Variants in METTL25 observed in about 807,000 individuals in gnomAD.
The protein encoded by METTL25 is methyltransferase like 25, also known as probable methyltransferase-like protein 25.
In METTL25, 64 loss-of-function variants were observed where a neutral mutation model predicts 71.6. The ratio of observed to expected loss-of-function variants is 0.89; its 90% CI spans 0.73 to 1.10. The LOEUF (loss-of-function observed/expected upper bound fraction) is 1.10. Among genes scored for constraint, METTL25 ranks in the 50% least tolerant of loss-of-function variants. METTL25 has a pLI of 0.00. For synonymous variants in METTL25, 287 were observed against 250.3 expected (o/e 1.15, Z -1.38); for missense variants, 807 against 707.0 (o/e 1.14, Z -1.60).
chr12:82,472,462 G>C (rs1432967198), intron 9 of METTL25, among the ~76,000 whole-genome samples: 4 of 152,132 alleles, frequency 2.6e-5, no homozygotes, highest in Non-Finnish European at 5.9e-5. Context: ...GCCAGGCGTG[G>C]TGGCGGGTGC....
chr12:82,476,543 G>C (rs1221455830), intron 9 of METTL25, 101 bp from the exon 10 acceptor site: 4 of 756,504 alleles, frequency 5.3e-6, no homozygotes, highest in Non-Finnish European at 9.2e-6. Flanking sequence ...ACCTAAGGTT[G>C]TATTAAATTG....
chr12:82,366,744 G>A (rs1217907778), intron 1 of METTL25, among the ~76,000 whole-genome samples: 12 of 152,116 alleles, frequency 7.9e-5, no homozygotes, highest in South Asian at 2.1e-4. Flanking sequence ...AGAGCACAAC[G>A]GAGAAATAAT....
chr12:82,471,564 A>G (rs1379673127), intron 9 of METTL25, among the ~76,000 whole-genome samples: 9 of 152,218 alleles, frequency 5.9e-5, no homozygotes, highest in African/African-American at 2.2e-4. Context: ...ATAGGGTGAG[A>G]GTTCTAATCC....
intron 1 of METTL25, among the ~76,000 whole-genome samples, chr12:82,363,731 TAA>T (rs34795073): frequency 1.4e-5 from 2 of 143,936 alleles, no homozygotes; most frequent in Admixed American, 6.9e-5. Context: ...ACTAGATGTT[TAA>T]AAAAAAAAAA....
intron 1 of METTL25, among the ~76,000 whole-genome samples, chr12:82,362,840 C>T (rs1244607666): frequency 2.0e-5 from 3 of 152,144 alleles, no homozygotes; most frequent in African/African-American, 7.2e-5. Context: ...TCAGATTCCC[C>T]TGCAGATAAC....
In METTL25 at chr12:82,384,624, AT is replaced by A. The variant is rs151072526; in HGVS notation, c.260-2178del. 2.2e-3 allele frequency among the ~76,000 whole-genome samples: 330 copies of A among 151,904 alleles called. 2 individuals carry two copies. Among genetic ancestry groups the A allele is most frequent in the Admixed American group, 3.7e-3 (56 of 15,230 alleles). ...GAAAACTACCCTTTTTTAAAAAAAA[AT>A]ATTGTTGTAAAGATAATATTGTAAC... On this transcript the variant is annotated intron_variant, in intron 1 of 11. Transcript: ENST00000248306.
At chr12:82,444,603 A>C (rs113955486) in intron 8 of METTL25, among the ~76,000 whole-genome samples, 22 of 152,316 alleles carry the variant, frequency 1.4e-4, no homozygotes, top group African/African-American at 4.6e-4. Context: ...AACATTTGTT[A>C]AGAGATAGGC....
At position 82,461,859 on chromosome 12, in the gene METTL25, A is replaced by G. The variant is rs145407866; in HGVS notation, c.1572+5039A>G. ...TACTAAGATGTATGCGATCTAACGCATAGAATAGATTAGAGTTAAAATCAC... is the reference window on the plus strand; with the variant it reads ...TACTAAGATGTATGCGATCTAACGCGTAGAATAGATTAGAGTTAAAATCAC... On this transcript the variant is annotated intron_variant, in intron 9 of 11. Coordinates refer to ENST00000248306, the MANE Select transcript of METTL25 (RefSeq NM_032230.3). 2.3e-3 allele frequency among the ~76,000 whole-genome samples: 351 copies of G among 152,340 alleles called. 5 individuals carry two copies. The East Asian group carries it at 0.029, about 13-fold the overall frequency.
intron 5 of METTL25, among the ~76,000 whole-genome samples, chr12:82,426,219 T>C (rs549449221): frequency 2.8e-4 from 42 of 152,194 alleles, no homozygotes; most frequent in Non-Finnish European, 4.7e-4. Flanking sequence ...TTTGAGGGTT[T>C]GCTGCCTCCT....
At position 82,477,319 on chromosome 12, in the gene METTL25, T is replaced by C; in HGVS notation, c.1686T>C (p.Ile562=). ...TGGCTCCCTGTATAGAGACTTTGAT[T>C]CTTCTGGATCGACTTTGTTACCTGA... is the stretch of plus-strand genomic sequence containing the variant. ...VVLAPCIETL[I]LLDRLCYLKE... Residue 562 remains isoleucine (I), a synonymous_variant, in exon 11 of 12, where the codon ATT becomes ATC. Transcript: ENST00000248306. 1 of 1,574,630 alleles carries C rather than the reference T, an allele frequency of 6.4e-7. No homozygotes were observed. The highest frequency in any genetic ancestry group is 8.6e-7 in the Non-Finnish European group (1 of 1,160,938).
At chr12:82,441,220 A>G (rs927031187) in intron 8 of METTL25, among the ~76,000 whole-genome samples, 1 of 151,998 alleles carries the variant, frequency 6.6e-6, no homozygotes, top group African/African-American at 2.4e-5. Flanking sequence ...TGCTTCTGCT[A>G]GCTGCCTACA....
Position 82,403,047 on chromosome 12 carries a change from C to T in METTL25, c.1196C>T (p.Thr399Ile), listed in dbSNP as rs201306575. 206 of 1,613,290 alleles carry T rather than the reference C, an allele frequency of 1.3e-4. No individual in the cohort carries two copies. The highest frequency in any genetic ancestry group is 1.1e-3 in the Admixed American group (65 of 59,950). The change falls in exon 5 of 12, where the codon ACC becomes ATC. Residue 399 changes from threonine to isoleucine, a missense_variant. Physicochemically the swap from Thr to Ile is moderately conservative, Grantham distance 89. Coordinates refer to ENST00000248306, the MANE Select transcript of METTL25 (RefSeq NM_032230.3). ...DLAPNTLRIF[T>I]SNSEIKGVCS... ...GCTCCAAATACTTTGCGAATATTTA[C>T]CTCCAACTCTGAAATCAAGGGAGTT... is the stretch of plus-strand genomic sequence containing the variant.
intron 1 of METTL25, among the ~76,000 whole-genome samples, chr12:82,371,477 G>T (rs1016163704): frequency 6.6e-6 from 1 of 152,154 alleles, no homozygotes; most frequent in African/African-American, 2.4e-5. Context: ...AAGCCCTACC[G>T]GGTGATTGGC....
intron 9 of METTL25, among the ~76,000 whole-genome samples, chr12:82,473,270 G>A (rs983142736): frequency 6.6e-6 from 1 of 152,124 alleles, no homozygotes; most frequent in Non-Finnish European, 1.5e-5. Flanking sequence ...CTGGCTGGGA[G>A]TACATATACA....
At position 82,434,700 on chromosome 12, in the gene METTL25, G is replaced by A. The variant is rs1053142478; in HGVS notation, c.1380G>A (p.Leu460=). ...CTTGTTTTTTTCCCTTTAAGGCATT[G>A]GAGCGGGTTGCAGCTGGCCAAGGGG... ...RNARMSACLA[L]ERVAAGQGLP... The change falls in exon 7 of 12, where the codon TTG becomes TTA. Residue 460 remains leucine (L), a synonymous_variant. Coordinates refer to ENST00000248306, the MANE Select transcript of METTL25 (RefSeq NM_032230.3). 4.3e-6 allele frequency: 7 copies of A among 1,609,234 alleles called. No individual in the cohort carries two copies. Among genetic ancestry groups the A allele is most frequent in the African/African-American group, 1.3e-5 (1 of 74,528 alleles).
intron 3 of METTL25, among the ~76,000 whole-genome samples, chr12:82,392,299 C>T (rs969009934): frequency 1.6e-4 from 23 of 147,676 alleles, no homozygotes; most frequent in African/African-American, 5.2e-4. Context: ...TGTTCCCCTT[C>T]CTGTGTCCAT....
chr12:82,464,259 C>G (rs1301276313), intron 9 of METTL25, among the ~76,000 whole-genome samples: 1 of 151,804 alleles, frequency 6.6e-6, no homozygotes, highest in East Asian at 1.9e-4. Flanking sequence ...ATATTTAGGT[C>G]TTGGATCCAT....
intron 8 of METTL25, among the ~76,000 whole-genome samples, chr12:82,447,796 C>T (rs552623537): frequency 4.0e-4 from 61 of 152,140 alleles, no homozygotes; most frequent in Non-Finnish European, 5.9e-4. Context: ...GTTTTGTAAA[C>T]GCTTATTGCT....
chr12:82,418,875 T>C (rs1888215796), intron 5 of METTL25, among the ~76,000 whole-genome samples: 1 of 152,114 alleles, frequency 6.6e-6, no homozygotes, highest in Non-Finnish European at 1.5e-5. Context: ...TATGTGGGTA[T>C]GTGATTGTGA....
Sources: allele counts gnomAD v4.1 joint callset (sites outside exome capture counted in the v4.1 genomes callset), GRCh38; gene constraint gnomAD v4.1.1; transcripts MANE v1.5; gene names NCBI Gene and HGNC (gene_info 2026-07-23, HGNC 2026-07-21).